The following LIX1 variants were observed in gnomAD, a reference collection of about 807,000 sequenced individuals.
LIX1 encodes the protein protein limb expression 1 homolog.
A neutral mutation model predicts 33.4 loss-of-function variants in LIX1; 24 were observed. The observed-to-expected ratio is 0.72, with a 90% CI of 0.52 to 1.01. The LOEUF (loss-of-function observed/expected upper bound fraction) is 1.01. Among genes scored for constraint, LIX1 ranks in the 50% least tolerant of loss-of-function variants. The pLI is 0.00. For synonymous variants in LIX1, 124 were observed against 124.0 expected (o/e 1.00, Z 0.00); for missense variants, 311 against 339.2 (o/e 0.92, Z 0.65).
chr5:97,097,469 A>G (rs1363277246), intron 4 of LIX1, among the ~76,000 whole-genome samples: 6 of 152,186 alleles, frequency 3.9e-5, no homozygotes, highest in Non-Finnish European at 8.8e-5. Flanking sequence ...CGCTATATAC[A>G]TGTTTGCTTG....
intron 1 of LIX1, among the ~76,000 whole-genome samples, chr5:97,129,100 T>A (rs1747997041): frequency 6.6e-6 from 1 of 152,150 alleles, no homozygotes; most frequent in African/African-American, 2.4e-5. Flanking sequence ...ACCCTTCACG[T>A]TCCTCACTCC....
chr5:97,139,556 C>G (rs182489911), intron 1 of LIX1, among the ~76,000 whole-genome samples: 3 of 152,124 alleles, frequency 2.0e-5, no homozygotes, highest in African/African-American at 7.2e-5. Flanking sequence ...ACACATGAAA[C>G]GAAATTGGAT....
At chr5:97,128,532 T>C (rs1402188096) in intron 1 of LIX1, among the ~76,000 whole-genome samples, 2 of 152,170 alleles carry the variant, frequency 1.3e-5, no homozygotes, top group Non-Finnish European at 1.5e-5. Context: ...ACTATTCTCC[T>C]GCATCTCCAA....
intron 2 of LIX1, among the ~76,000 whole-genome samples, chr5:97,123,523 T>C (rs995983975): frequency 6.6e-6 from 1 of 152,232 alleles, no homozygotes; most frequent in African/African-American, 2.4e-5. Context: ...TGTTTGCAGC[T>C]TGTCTCCATG....
rs947942207 is a variant in LIX1 at position 97,094,521 on chromosome 5, C to G, written c.*227G>C. The G allele has an allele frequency of 5.8e-6, 3 of 517,488 alleles. No homozygotes were observed. The highest frequency in any genetic ancestry group is 3.5e-5 in the Admixed American group (1 of 28,538). The allele number at this position is 517,488 out of a possible 1,614,324, so 32.1% of individuals were successfully genotyped here. ...AACAATTTTGTGTCTATCCTTTCAT[C>G]CTGAGCTGGAACTATTGAGAATGTG... On this transcript the variant is annotated 3_prime_UTR_variant, in exon 6 of 6. Coordinates refer to ENST00000274382, the MANE Select transcript of LIX1 (RefSeq NM_153234.5).
At chr5:97,122,135 G>A (rs1747803323) in intron 2 of LIX1, among the ~76,000 whole-genome samples, 1 of 152,100 alleles carries the variant, frequency 6.6e-6, no homozygotes, top group Non-Finnish European at 1.5e-5. Context: ...ATTTACCAGT[G>A]GTAAAAACAC....
intron 4 of LIX1, chr5:97,103,213 G>A (rs1418000549): frequency 1.1e-5 from 4 of 365,320 alleles, no homozygotes; most frequent in South Asian, 2.2e-5. Context: ...TTTACAGATC[G>A]ACTCTTTTAT....
At chr5:97,130,539 G>A (rs1278231508) in intron 1 of LIX1, among the ~76,000 whole-genome samples, 3 of 152,180 alleles carry the variant, frequency 2.0e-5, no homozygotes, top group African/African-American at 7.2e-5. Context: ...GGCTGACACT[G>A]AATTAAGGAT....
intron 2 of LIX1, among the ~76,000 whole-genome samples, chr5:97,116,415 G>C (rs1436193963): frequency 6.6e-6 from 1 of 152,074 alleles, no homozygotes; most frequent in Non-Finnish European, 1.5e-5. Flanking sequence ...TGTGTGCTGG[G>C]GATGGGGGTC....
intron 1 of LIX1, among the ~76,000 whole-genome samples, chr5:97,127,925 C>A (rs1182573330): frequency 6.6e-6 from 1 of 152,192 alleles, no homozygotes. Context: ...TGCTGCTTTT[C>A]CTGGAATTGT....
Position 97,107,903 on chromosome 5 carries a change from T to C in LIX1, c.247-403A>G, listed in dbSNP as rs1747144448. On this transcript the variant is annotated intron_variant, in intron 2 of 5. Transcript: ENST00000274382. ...AGGAGAAAAGCAAGGAATCTGGAAA[T>C]ACTTGTAACAATAATTAAGAACACA... is the stretch of plus-strand genomic sequence containing the variant. Among the ~76,000 whole-genome samples, 3 of 152,320 alleles carry C rather than the reference T, an allele frequency of 2.0e-5. No homozygotes were observed. The South Asian group carries it at 6.2e-4, about 32-fold the overall frequency.
At chr5:97,120,495 C>A (rs1483422414) in intron 2 of LIX1, among the ~76,000 whole-genome samples, 4 of 152,124 alleles carry the variant, frequency 2.6e-5, no homozygotes, top group Non-Finnish European at 5.9e-5. Context: ...GAGAACACTG[C>A]TTTGGGAAAT....
At chr5:97,109,372 G>C (rs1747242646) in intron 2 of LIX1, among the ~76,000 whole-genome samples, 1 of 152,022 alleles carries the variant, frequency 6.6e-6, no homozygotes, top group Admixed American at 6.6e-5. Context: ...TCCCACCTCA[G>C]CCTCCTGAGT....
At chr5:97,127,831 G>T (rs144614946) in intron 1 of LIX1, among the ~76,000 whole-genome samples, 1 of 152,172 alleles carries the variant, frequency 6.6e-6, no homozygotes, top group Non-Finnish European at 1.5e-5. Flanking sequence ...GCTACCAAGT[G>T]TGCAATATCC....
chr5:97,136,231 C>T (rs553159517), intron 1 of LIX1, among the ~76,000 whole-genome samples: 6 of 152,234 alleles, frequency 3.9e-5, no homozygotes, highest in East Asian at 1.9e-4. Context: ...GAGCTCTAGC[C>T]GAGAGGGTGT....
intron 3 of LIX1, among the ~76,000 whole-genome samples, chr5:97,106,293 C>T (rs936721356): frequency 6.6e-6 from 1 of 152,236 alleles, no homozygotes; most frequent in Non-Finnish European, 1.5e-5. Context: ...GGCTTCCTTT[C>T]ATCCTCAGAC....
At chr5:97,100,356 C>T (rs1302979737) in intron 4 of LIX1, among the ~76,000 whole-genome samples, 1 of 152,034 alleles carries the variant, frequency 6.6e-6, no homozygotes, top group Non-Finnish European at 1.5e-5. Flanking sequence ...TTTTTTCTCT[C>T]CAGTAACACA....
At chr5:97,103,144 CTT>C (rs1427805084) in intron 4 of LIX1, 1 of 434,940 alleles carries the variant, frequency 2.3e-6, no homozygotes, top group South Asian at 1.7e-5. Context: ...AAAAATACCT[CTT>C]TTTAAAAGTA....
intron 2 of LIX1, among the ~76,000 whole-genome samples, chr5:97,112,445 A>C (rs1316061668): frequency 6.6e-6 from 1 of 152,246 alleles, no homozygotes; most frequent in Non-Finnish European, 1.5e-5. Flanking sequence ...ACTTCCTGCT[A>C]GAGTTAGACT....
Sources: gnomAD v4.1 joint callset for allele counts (sites outside exome capture counted in the v4.1 genomes callset) on GRCh38, gnomAD v4.1.1 for gene constraint, MANE v1.5 for transcripts, NCBI Gene and HGNC (gene_info 2026-07-23, HGNC 2026-07-21) for gene names.